PTCHD4: variants seen among roughly 807,000 people sequenced by gnomAD.
PTCHD4 encodes patched domain containing 4.
A neutral mutation model predicts 58.1 loss-of-function variants in PTCHD4; 33 were observed. The ratio of observed to expected loss-of-function variants is 0.57; its 90% confidence interval spans 0.43 to 0.76. The LOEUF (loss-of-function observed/expected upper bound fraction) is 0.76, where lower values mean the gene tolerates loss of function less well. Among genes scored for constraint, PTCHD4 ranks in the 30% least tolerant of loss-of-function variants. PTCHD4 has a pLI of 0.00. For missense variants in PTCHD4, 1,058 were observed against 1,027.1 expected, an observed-to-expected ratio of 1.03 and a Z score of -0.41; for synonymous variants, 478 against 409.6, an observed-to-expected ratio of 1.17 and a Z score of -2.02.
At chr6:47,996,239 C>A (rs183108046) in intron 4 of PTCHD4, among the ~76,000 whole-genome samples, 2 of 152,016 alleles carry the variant, frequency 1.3e-5, no homozygotes, top group Non-Finnish European at 2.9e-5. Flanking sequence ...GAGGCTGAGG[C>A]GAGCGGATCA....
chr6:48,103,462 T>A (rs891798240), intron 1 of PTCHD4, among the ~76,000 whole-genome samples: 1 of 152,030 alleles, frequency 6.6e-6, no homozygotes, highest in Non-Finnish European at 1.5e-5. Flanking sequence ...TACGTCACCA[T>A]CATCAAAGAC....
chr6:47,940,419 AT>A (rs1006125757), intron 4 of PTCHD4, among the ~76,000 whole-genome samples: 7 of 152,164 alleles, frequency 4.6e-5, no homozygotes, highest in Non-Finnish European at 8.8e-5. Context: ...TAAAAAAATT[AT>A]TTAAAAAAAG....
At chr6:47,974,811 G>A (rs995416314) in intron 4 of PTCHD4, among the ~76,000 whole-genome samples, 5 of 152,166 alleles carry the variant, frequency 3.3e-5, no homozygotes, top group African/African-American at 1.2e-4. Flanking sequence ...TTATTGGCAA[G>A]CAAGGAAGTT....
chr6:47,936,686 T>TC (rs1766010086), intron 4 of PTCHD4, among the ~76,000 whole-genome samples: 2 of 152,238 alleles, frequency 1.3e-5, no homozygotes, highest in Non-Finnish European at 1.5e-5. Flanking sequence ...TATTGTGATG[T>TC]GCTAGGCATT....
intron 3 of PTCHD4, among the ~76,000 whole-genome samples, chr6:48,056,960 C>G (rs1212153635): frequency 6.6e-6 from 1 of 152,098 alleles, no homozygotes. Context: ...GTAAAGAATG[C>G]AATATTTATT....
At chr6:48,053,637 G>T (rs115735144) in intron 3 of PTCHD4, among the ~76,000 whole-genome samples, 137 of 152,200 alleles carry the variant, frequency 9.0e-4, no homozygotes, top group African/African-American at 3.3e-3. Flanking sequence ...TTTTTAAAAT[G>T]AATGCCCTTG....
intron 4 of PTCHD4, among the ~76,000 whole-genome samples, chr6:47,953,615 A>G (rs1309259024): frequency 1.3e-5 from 2 of 152,184 alleles, no homozygotes; most frequent in Non-Finnish European, 2.9e-5. Flanking sequence ...AGCACATAAA[A>G]TGCATTAATA....
intron 1 of PTCHD4, among the ~76,000 whole-genome samples, chr6:48,095,726 A>T (rs1765455781): frequency 7.7e-6 from 1 of 129,672 alleles, no homozygotes; most frequent in South Asian, 2.6e-4. Flanking sequence ...AACAAACAAA[A>T]GGAACCAAAA....
intron 3 of PTCHD4, among the ~76,000 whole-genome samples, chr6:48,049,978 G>A (rs549716352): frequency 6.6e-6 from 1 of 151,980 alleles, no homozygotes; most frequent in South Asian, 2.1e-4. Flanking sequence ...GTTTACGTTG[G>A]CTTCTATTCT....
At chr6:48,092,453 A>T (rs542911600) in intron 1 of PTCHD4, among the ~76,000 whole-genome samples, 7 of 152,228 alleles carry the variant, frequency 4.6e-5, no homozygotes, top group African/African-American at 1.7e-4. Flanking sequence ...GAATATTAAG[A>T]TAATAAGCTG....
intron 4 of PTCHD4, among the ~76,000 whole-genome samples, chr6:47,893,462 C>T (rs981696399): frequency 6.6e-6 from 1 of 152,146 alleles, no homozygotes; most frequent in African/African-American, 2.4e-5. Context: ...GAATAATATA[C>T]TTTGGAGTCA....
chr6:48,089,224 T>C (rs1306604611), intron 1 of PTCHD4, among the ~76,000 whole-genome samples: 1 of 152,214 alleles, frequency 6.6e-6, no homozygotes, highest in Non-Finnish European at 1.5e-5. Flanking sequence ...GAATTTACCA[T>C]GTCTGTATTC....
At chr6:48,001,464 AACC>A (rs1768719677) in intron 4 of PTCHD4, among the ~76,000 whole-genome samples, 1 of 152,212 alleles carries the variant, frequency 6.6e-6, no homozygotes, top group Non-Finnish European at 1.5e-5. Context: ...ACATATCTAC[AACC>A]ATCTGATCTT....
chr6:48,002,602 C>T (rs1217557289), intron 4 of PTCHD4, among the ~76,000 whole-genome samples: 19 of 151,146 alleles, frequency 1.3e-4, no homozygotes, highest in Admixed American at 1.3e-3. Flanking sequence ...CACACTGGGG[C>T]CTGTTGTGGG....
Position 47,927,141 on chromosome 6 carries a change from C to T in PTCHD4, c.899-47205G>A, listed in dbSNP as rs144181044. Among the ~76,000 whole-genome samples the T allele has an allele frequency of 8.7e-4, 132 of 152,250 alleles. 1 individual carries two copies. Among genetic ancestry groups the T allele is most frequent in the African/African-American group, 3.0e-3 (125 of 41,558 alleles). ...ATTTCTCAGGACTAACCAAAAGAGT[C>T]GGCACCTGAGCTCAGCTACTTGGAG... On this transcript the variant is annotated intron_variant, in intron 4 of 4. Transcript: ENST00000339488.
At position 47,861,595 on chromosome 6, in the gene PTCHD4, G is replaced by C; in HGVS notation, c.*16708C>G. 6.6e-6 allele frequency among the ~76,000 whole-genome samples: 1 copy of C among 151,854 alleles called. No individual in the cohort carries two copies. Among genetic ancestry groups the C allele is most frequent in the Non-Finnish European group, 1.5e-5 (1 of 67,880 alleles). ...TTATGTCCAACAAACAAAAAAATCA[G>C]TATAGCAACTTCTATTTATTATGGA... On this transcript the variant is annotated 3_prime_UTR_variant, in exon 5 of 5. Coordinates refer to ENST00000339488, the MANE Select transcript of PTCHD4 (RefSeq NM_001384253.1).
intron 3 of PTCHD4, among the ~76,000 whole-genome samples, chr6:48,066,771 G>C (rs960423215): frequency 2.6e-5 from 4 of 151,242 alleles, no homozygotes; most frequent in Non-Finnish European, 5.9e-5. Flanking sequence ...GTCAGCCTCT[G>C]GATTCATTTA....
chr6:47,865,190 G>C lies in PTCHD4; in HGVS notation c.*13113C>G, dbSNP rs750603363. 1.6e-4 allele frequency among the ~76,000 whole-genome samples: 25 copies of C among 151,884 alleles called. No homozygotes were observed. Among genetic ancestry groups the C allele is most frequent in the Non-Finnish European group, 3.5e-4 (24 of 67,892 alleles). ...AGAGTTATATATACCTGAGTATCCAGTAATTTTACATGGAAAAAAGTATAA... is the reference window on the plus strand; with the variant it reads ...AGAGTTATATATACCTGAGTATCCACTAATTTTACATGGAAAAAAGTATAA... On this transcript the variant is annotated 3_prime_UTR_variant, in exon 5 of 5. Transcript: ENST00000339488.
chr6:48,019,463 G>C (rs768240695), intron 3 of PTCHD4, among the ~76,000 whole-genome samples: 3 of 152,162 alleles, frequency 2.0e-5, no homozygotes, highest in Admixed American at 2.0e-4. Context: ...CTGGCCGGGC[G>C]CTGTGGCTCA....
Sources: allele counts gnomAD v4.1 joint callset (sites outside exome capture counted in the v4.1 genomes callset), GRCh38; gene constraint gnomAD v4.1.1; transcripts MANE v1.5; gene names NCBI Gene and HGNC (gene_info 2026-07-23, HGNC 2026-07-21).